Variants in KIF12 observed in about 807,000 individuals in gnomAD.
The protein encoded by KIF12 is kinesin family member 12.
KIF12 carries 80 observed loss-of-function variants against 87.9 expected under a neutral mutation model. The ratio of observed to expected loss-of-function variants is 0.91; its 90% CI spans 0.76 to 1.10. KIF12 has a LOEUF of 1.10. Ranked by LOEUF, KIF12 falls within the 50% of genes least tolerant of loss-of-function variation. The pLI is 0.00. For missense variants in KIF12, 819 were observed against 865.3 expected (o/e 0.95, Z 0.67); for synonymous variants, 353 against 348.5 (o/e 1.01, Z -0.14).
At position 114,091,993 on chromosome 9, in the gene KIF12, G is replaced by A. The variant is rs755582558; in HGVS notation, c.1824C>T (p.Ala608=). The A allele has an allele frequency of 9.9e-6, 16 of 1,611,212 alleles. No homozygotes were observed. Among genetic ancestry groups the A allele is most frequent in the South Asian group, 4.4e-5 (4 of 90,888 alleles). ...PKTSPGLRGG[A]GVPNLAQRLE... ...GTCTCTGGGCCAGGTTTGGAACCCC[G>A]GCCCCACCTAAGGAGCAGTGAGACT... The change falls in exon 19 of 19, where the codon GCC becomes GCT. Residue 608 remains alanine (A), a synonymous_variant. Coordinates refer to ENST00000640217, the MANE Select transcript of KIF12 (RefSeq NM_001388308.1).
chr9:114,098,235 G>A, intron 4 of KIF12, 45 bp from the exon 5 acceptor site: 1 of 1,520,190 alleles, frequency 6.6e-7, no homozygotes. Flanking sequence ...GCTACCCGGG[G>A]TGGGGGCTGG....
intron 13 of KIF12, 39 bp from the exon 14 acceptor site, chr9:114,094,011 G>A: frequency 6.4e-7 from 1 of 1,567,166 alleles, no homozygotes; most frequent in African/African-American, 1.3e-5. Context: ...TAGGAAATGG[G>A]GCTGGGGTGG....
In KIF12 at chr9:114,091,990, C is replaced by T; in HGVS notation, c.1827G>A (p.Gly609=). ...KTSPGLRGGA[G]VPNLAQRLEA... is the part of the protein sequence containing the mutation. ...CCAGTCTCTGGGCCAGGTTTGGAAC[C>T]CCGGCCCCACCTAAGGAGCAGTGAG... The change falls in exon 19 of 19, where the codon GGG becomes GGA. Residue 609 remains glycine (G), a synonymous_variant. Coordinates refer to ENST00000640217, the MANE Select transcript of KIF12 (RefSeq NM_001388308.1). 1 of 1,611,436 alleles carries T rather than the reference C, an allele frequency of 6.2e-7. No homozygotes were observed. Among genetic ancestry groups the T allele is most frequent in the East Asian group, 2.2e-5 (1 of 44,828 alleles).
Position 114,094,421 on chromosome 9 carries a change from G to C in KIF12, c.1154C>G (p.Thr385Arg). The part of the protein sequence containing the change: ...PVAKQPQRLE[T>R]EMLQLQEENR... ...CTCCTCCTGGAGCTGCAGCATCTCT[G>C]TCTCCAAACGCTGGGGCTGCTTTGC... The change falls in exon 12 of 19, where the codon ACA becomes AGA. Residue 385 changes from threonine to arginine, a missense_variant. Transcript: ENST00000640217. 6.2e-7 allele frequency: 1 copy of C among 1,613,902 alleles called. No individual in the cohort carries two copies. Among genetic ancestry groups the C allele is most frequent in the Non-Finnish European group, 8.5e-7 (1 of 1,179,818 alleles).
chr9:114,092,223 C>T, intron 18 of KIF12, 110 bp downstream of exon 18: 1 of 1,485,268 alleles, frequency 6.7e-7, no homozygotes, highest in Non-Finnish European at 9.0e-7. Flanking sequence ...TTAGAAGCCA[C>T]CTCTCAACAC....
intron 14 of KIF12, 131 bp downstream of exon 14, chr9:114,093,755 G>C: frequency 1.3e-6 from 1 of 761,884 alleles, no homozygotes; most frequent in Non-Finnish European, 2.2e-6. Flanking sequence ...ACAGCTAGTA[G>C]GTGGCAGAGC....
At position 114,091,965 on chromosome 9, in the gene KIF12, C is replaced by T. The variant is rs751507817; in HGVS notation, c.1852G>A (p.Glu618Lys). 2 of 1,612,678 alleles carry T rather than the reference C, an allele frequency of 1.2e-6. No individual in the cohort carries two copies. Among genetic ancestry groups the T allele is most frequent in the East Asian group, 2.2e-5 (1 of 44,856 alleles). Residue 618 changes from glutamate (E) to lysine (K), a missense_variant, in exon 19 of 19, where the codon GAG becomes AAG. By Grantham distance (56) the Glu-to-Lys change is moderately conservative (BLOSUM62 1). Transcript: ENST00000640217. ...CTGCCAATCTGGTCTCTGAGGGCCTCCAGTCTCTGGGCCAGGTTTGGAACC... is the reference window on the plus strand; with the variant it reads ...CTGCCAATCTGGTCTCTGAGGGCCTTCAGTCTCTGGGCCAGGTTTGGAACC... The part of the protein sequence containing the change: ...AGVPNLAQRL[E>K]ALRDQIGSSL...
At position 114,099,240 on chromosome 9, in the gene KIF12, G is replaced by C. The variant is rs1847382297; in HGVS notation, c.26+11C>G. 6.4e-7 allele frequency: 1 copy of C among 1,551,084 alleles called. No individual in the cohort carries two copies. Among genetic ancestry groups the C allele is most frequent in the East Asian group, 2.4e-5 (1 of 40,896 alleles). On this transcript the variant is annotated intron_variant, in intron 1 of 18. Transcript: ENST00000640217. The stretch of plus-strand genomic sequence containing the variant: ...TCAGGACTCCTCGAACCTGTCTGAA[G>C]ATCTGCTTACCCGTCGGGTGACCCG...
chr9:114,092,903 G>C lies in KIF12; in HGVS notation c.1597-261C>G. The C allele has an allele frequency of 4.9e-6, 7 of 1,431,192 alleles. No individual in the cohort carries two copies. In the South Asian group the frequency reaches 1.1e-4, roughly 22 times the overall value. The allele number at this position is 1,431,192 out of a possible 1,614,324, so 88.7% of individuals were successfully genotyped here. A position where few individuals can be genotyped will look rare whatever the true frequency, so the allele number is the denominator to read the frequency against. On this transcript the variant is annotated intron_variant, in intron 16 of 18. Coordinates refer to ENST00000640217, the MANE Select transcript of KIF12 (RefSeq NM_001388308.1). ...CTGACTCCTCAGAGCCCAGAAGAGA[G>C]GCTGGTATAAAGCAAGGAGCTTGGG...
chr9:114,092,148 A>G (rs1588498075), intron 18 of KIF12, 148 bp from the exon 19 acceptor site: 4 of 1,288,526 alleles, frequency 3.1e-6, no homozygotes, highest in African/African-American at 3.3e-5. Context: ...CATGGGCTCC[A>G]ACATACATCT....
At chr9:114,097,977 C>T (rs1340253300) in intron 5 of KIF12, 138 bp downstream of exon 5, 6 of 994,810 alleles carry the variant, frequency 6.0e-6, no homozygotes, top group Middle Eastern at 3.3e-4. Context: ...TGGTCCTCAG[C>T]GTCCTCGTCT....
intron 18 of KIF12, 27 bp from the exon 19 acceptor site, chr9:114,092,027 G>A (rs1847017254): frequency 1.3e-6 from 2 of 1,599,038 alleles, no homozygotes; most frequent in Non-Finnish European, 8.5e-7. Flanking sequence ...CTCGAGGCCT[G>A]CCCTCTCCAG....
chr9:114,094,912 C>T, intron 11 of KIF12, 111 bp downstream of exon 11: 1 of 970,106 alleles, frequency 1.0e-6, no homozygotes, highest in Non-Finnish European at 1.5e-6. Flanking sequence ...CAACCCTAAT[C>T]CCAACTTTGA....
intron 11 of KIF12, among the ~76,000 whole-genome samples, 175 bp downstream of exon 11, chr9:114,094,848 C>T (rs981969238): frequency 6.6e-6 from 1 of 152,196 alleles, no homozygotes; most frequent in African/African-American, 2.4e-5. Context: ...TGGCATGACC[C>T]TGGCTGGGAC....
At chr9:114,094,146 G>T in intron 13 of KIF12, 35 bp downstream of exon 13, 1 of 1,586,940 alleles carries the variant, frequency 6.3e-7, no homozygotes. Context: ...GATGGGTGGG[G>T]AGCAGCATCC....
chr9:114,096,070 G>A lies in KIF12; in HGVS notation c.876C>T (p.Asn292=), dbSNP rs200186451. The A allele has an allele frequency of 1.8e-5, 29 of 1,612,878 alleles. 1 individual carries two copies. Among genetic ancestry groups the A allele is most frequent in the Middle Eastern group, 3.3e-4 (2 of 6,082 alleles). Residue 292 remains asparagine, a synonymous_variant, in exon 9 of 19, where the codon AAC becomes AAT. Transcript: ENST00000640217. ...GELMLEANSI[N]RSLLALGHCI... is the part of the protein sequence containing the mutation. ...TCTCACCCAGGGCCAGCAGGCTTCG[G>A]TTGATGCTGTTAGCCTCAAGCATCA...
chr9:114,097,380 C>G lies in KIF12; in HGVS notation c.567G>C (p.Lys189Asn), dbSNP rs745666982. 1 of 1,608,204 alleles carries G rather than the reference C, an allele frequency of 6.2e-7. No individual in the cohort carries two copies. The highest frequency in any genetic ancestry group is 8.5e-7 in the Non-Finnish European group (1 of 1,178,600). Residue 189 changes from lysine to asparagine, a missense_variant, in exon 7 of 19, where the codon AAG becomes AAC. By Grantham distance (94) the Lys-to-Asn change is moderately conservative (BLOSUM62 0). Transcript: ENST00000640217. ...SPRPLPVRWN[K>N]TRGFYVEQLR... is the part of the protein sequence containing the mutation. ...GCTGCTCCACATAGAAGCCCCGAGT[C>G]TTGTTCCAGCGAACAGGGAGGGGCC...
At chr9:114,094,103 G>T in intron 13 of KIF12, 78 bp downstream of exon 13, 1 of 1,482,878 alleles carries the variant, frequency 6.7e-7, no homozygotes, top group Non-Finnish European at 9.4e-7. Flanking sequence ...GGGGCAGGGA[G>T]AGGAGGCAGT....
rs762244076 is a variant in KIF12 at position 114,093,467 on chromosome 9, C to T, written c.1431G>A (p.Gln477=). Reference sequence around the variant, plus strand: ...ACGGTGGGGTCAGGCCAGGACCCTGCTGGTGATGGTAGCAGGCAGAGAGGA... The same window carrying T: ...ACGGTGGGGTCAGGCCAGGACCCTGTTGGTGATGGTAGCAGGCAGAGAGGA... ...RRLLSACYHH[Q]QGPGLTPPCP... is the part of the protein sequence containing the mutation. Residue 477 remains glutamine (Q), a synonymous_variant, in exon 15 of 19, where the codon CAG becomes CAA. Coordinates refer to ENST00000640217, the MANE Select transcript of KIF12 (RefSeq NM_001388308.1). 9.6e-6 allele frequency: 15 copies of T among 1,564,864 alleles called. No homozygotes were observed. In the Admixed American group the frequency reaches 2.7e-4, roughly 28 times the overall value.
Sources: allele counts gnomAD v4.1 joint callset (sites outside exome capture counted in the v4.1 genomes callset), GRCh38; gene constraint gnomAD v4.1.1; transcripts MANE v1.5; gene names NCBI Gene and HGNC (gene_info 2026-07-23, HGNC 2026-07-21).